CPQ: variants seen among roughly 807,000 people sequenced by gnomAD.
CPQ encodes the protein Ser-Met dipeptidase.
In CPQ, 37 loss-of-function variants were observed where a neutral mutation model predicts 45.7. That is an observed-to-expected ratio of 0.81 (90% CI 0.62 to 1.07). The LOEUF (loss-of-function observed/expected upper bound fraction) is 1.07. Ranked by LOEUF, CPQ falls within the 50% of genes least tolerant of loss-of-function variation. The pLI is 0.00. For missense variants in CPQ, 537 were observed against 572.9 expected, an observed-to-expected ratio of 0.94 and a Z score of 0.64; for synonymous variants, 186 against 205.8, an observed-to-expected ratio of 0.90 and a Z score of 0.82.
intron 5 of CPQ, among the ~76,000 whole-genome samples, chr8:97,011,576 T>C (rs1809485087): frequency 6.6e-6 from 1 of 152,214 alleles, no homozygotes; most frequent in African/African-American, 2.4e-5. Context: ...AATTGGACAT[T>C]AGGCAGTCCT....
chr8:97,143,091 A>T lies in CPQ; in HGVS notation c.1327A>T (p.Met443Leu). The T allele has an allele frequency of 6.2e-7, 1 of 1,614,010 alleles. No individual in the cohort carries two copies. Among genetic ancestry groups the T allele is most frequent in the South Asian group, 1.1e-5 (1 of 91,076 alleles). Residue 443 changes from methionine (M) to leucine (L), a missense_variant, in exon 8 of 8, where the codon ATG (methionine) becomes TTG (leucine). Coordinates refer to ENST00000220763, the MANE Select transcript of CPQ (RefSeq NM_016134.4). ...HHSHGDTMTV[M>L]DPKQMNVAAA... ...CTCCCACGGAGACACCATGACTGTC[A>T]TGGATCCAAAGCAGATGAATGTTGC...
chr8:96,726,181 C>T (rs550970525), intron 1 of CPQ, among the ~76,000 whole-genome samples: 1 of 151,954 alleles, frequency 6.6e-6, no homozygotes, highest in African/African-American at 2.4e-5. Flanking sequence ...GTACCCCAAA[C>T]CCATGTAACA....
At chr8:96,677,874 A>G (rs1414808651) in intron 1 of CPQ, among the ~76,000 whole-genome samples, 1 of 152,128 alleles carries the variant, frequency 6.6e-6, no homozygotes, top group Non-Finnish European at 1.5e-5. Flanking sequence ...ATCCAGTTTC[A>G]TTCTTCTACA....
At chr8:96,651,819 C>A (rs1815580063) in intron 1 of CPQ, among the ~76,000 whole-genome samples, 1 of 151,594 alleles carries the variant, frequency 6.6e-6, no homozygotes, top group African/African-American at 2.4e-5. Context: ...TTAATAAGTT[C>A]TTTTTTATTT....
chr8:97,004,355 T>A (rs1809341524), intron 5 of CPQ, among the ~76,000 whole-genome samples: 1 of 150,672 alleles, frequency 6.6e-6, no homozygotes, highest in Non-Finnish European at 1.5e-5. Context: ...GAAATGACAC[T>A]TGTAGTCTTT....
intron 1 of CPQ, among the ~76,000 whole-genome samples, chr8:96,673,931 CAAAT>C (rs773280960): frequency 2.0e-5 from 3 of 152,026 alleles, no homozygotes; most frequent in African/African-American, 4.8e-5. Flanking sequence ...AAATGAAAAA[CAAAT>C]AAACCCGTGA....
intron 6 of CPQ, among the ~76,000 whole-genome samples, chr8:97,058,001 G>A (rs1467227412): frequency 6.6e-6 from 1 of 152,222 alleles, no homozygotes; most frequent in African/African-American, 2.4e-5. Flanking sequence ...AAAGAAGAAG[G>A]AAAGGCCCGC....
At chr8:96,858,050 G>A (rs1811873055) in intron 3 of CPQ, among the ~76,000 whole-genome samples, 3 of 152,168 alleles carry the variant, frequency 2.0e-5, no homozygotes, top group Admixed American at 2.0e-4. Context: ...TCTCCTAAGA[G>A]TGAGGTAGGA....
intron 5 of CPQ, among the ~76,000 whole-genome samples, chr8:96,983,459 T>C (rs1286283931): frequency 6.6e-6 from 1 of 152,122 alleles, no homozygotes; most frequent in Non-Finnish European, 1.5e-5. Context: ...AATACCAACT[T>C]TTTGTTATTT....
chr8:97,023,641 G>A (rs549215435), intron 5 of CPQ, among the ~76,000 whole-genome samples: 1 of 152,278 alleles, frequency 6.6e-6, no homozygotes, highest in South Asian at 2.1e-4. Context: ...AATGAGGTAG[G>A]ACTGTTGCCT....
At chr8:97,031,699 G>T (rs1809910531) in intron 6 of CPQ, among the ~76,000 whole-genome samples, 1 of 152,170 alleles carries the variant, frequency 6.6e-6, no homozygotes. Flanking sequence ...CACACTCAAA[G>T]GACATGCAAT....
intron 1 of CPQ, among the ~76,000 whole-genome samples, chr8:96,692,882 G>A (rs1274399038): frequency 6.6e-6 from 1 of 152,106 alleles, no homozygotes; most frequent in Non-Finnish European, 1.5e-5. Context: ...TGGAGATACA[G>A]AGATAGGTGA....
intron 5 of CPQ, among the ~76,000 whole-genome samples, chr8:97,018,704 T>G (rs1020400959): frequency 3.3e-5 from 5 of 152,056 alleles, no homozygotes; most frequent in African/African-American, 1.2e-4. Flanking sequence ...TAAGAAAATA[T>G]AAACAAAGCC....
At chr8:96,801,423 C>A (rs1164259085) in intron 2 of CPQ, among the ~76,000 whole-genome samples, 1 of 152,186 alleles carries the variant, frequency 6.6e-6, no homozygotes, top group East Asian at 1.9e-4. Context: ...TTTTCACTCA[C>A]TATTTTATGA....
intron 7 of CPQ, among the ~76,000 whole-genome samples, chr8:97,137,059 T>C (rs1812072981): frequency 1.3e-5 from 2 of 152,346 alleles, no homozygotes; most frequent in South Asian, 4.1e-4. Flanking sequence ...CCTGCAGTTA[T>C]CAGCATTCTC....
chr8:97,037,500 T>C (rs1236622346), intron 6 of CPQ, among the ~76,000 whole-genome samples: 1 of 152,200 alleles, frequency 6.6e-6, no homozygotes, highest in Non-Finnish European at 1.5e-5. Context: ...TCATTACTGC[T>C]GGGCCTTTAT....
In CPQ at chr8:97,081,641, T is replaced by C. The variant is rs1473292062; in HGVS notation, c.1255+15431T>C. ...TTCCTGGAGCACAACTCCACTGTTT[T>C]CCATGTGAATAGCACCCCTGTACTT... On this transcript the variant is annotated intron_variant, in intron 7 of 7. Coordinates refer to ENST00000220763, the MANE Select transcript of CPQ (RefSeq NM_016134.4). Among the ~76,000 whole-genome samples, 4 of 152,300 alleles carry C rather than the reference T, an allele frequency of 2.6e-5. No homozygotes were observed. The Middle Eastern group carries it at 0.014, about 518-fold the overall frequency.
chr8:96,656,959 G>A (rs1287991327), intron 1 of CPQ, among the ~76,000 whole-genome samples: 1 of 151,944 alleles, frequency 6.6e-6, no homozygotes, highest in African/African-American at 2.4e-5. Flanking sequence ...AGATGGGAGT[G>A]GGCTTTCTGG....
intron 4 of CPQ, among the ~76,000 whole-genome samples, chr8:96,916,361 A>G (rs1305521716): frequency 6.6e-6 from 1 of 152,146 alleles, no homozygotes; most frequent in Admixed American, 6.6e-5. Context: ...TATGAATTAA[A>G]CCAAAAAATA....
Sources: gnomAD v4.1 joint callset for allele counts (sites outside exome capture counted in the v4.1 genomes callset) on GRCh38, gnomAD v4.1.1 for gene constraint, MANE v1.5 for transcripts, NCBI Gene and HGNC (gene_info 2026-07-23, HGNC 2026-07-21) for gene names.